The following XKR6 variants were observed in gnomAD, a reference collection of about 807,000 sequenced individuals.
XKR6 encodes XK related 6, also known as XK-related protein 6.
In XKR6, 22 loss-of-function variants were observed where a neutral mutation model predicts 56.7. That is an observed-to-expected ratio of 0.39 (90% CI 0.28 to 0.55). XKR6 has a LOEUF of 0.55. XKR6 is among the 20% of genes least tolerant of loss of function. The pLI is 0.66. For missense variants in XKR6, 852 were observed against 889.0 expected (o/e 0.96, Z 0.53); for synonymous variants, 524 against 387.8 (o/e 1.35, Z -4.13).
intron 1 of XKR6, among the ~76,000 whole-genome samples, chr8:11,092,709 AT>A (rs1798116958): frequency 6.6e-6 from 1 of 152,240 alleles, no homozygotes; most frequent in African/African-American, 2.4e-5. Flanking sequence ...CAAGAACCTC[AT>A]TCTGCCGGCT....
At chr8:10,959,923 G>T (rs954311251) in intron 1 of XKR6, among the ~76,000 whole-genome samples, 1 of 152,162 alleles carries the variant, frequency 6.6e-6, no homozygotes, top group African/African-American at 2.4e-5. Flanking sequence ...GAACTACGGT[G>T]AGGCAATGAA....
chr8:11,006,493 T>G (rs150555836), intron 1 of XKR6, among the ~76,000 whole-genome samples: 32 of 152,310 alleles, frequency 2.1e-4, no homozygotes, highest in Admixed American at 3.9e-4. Context: ...AGGATGTATA[T>G]TCTATTGATG....
At chr8:11,198,897 A>G (rs979484648) in intron 1 of XKR6, among the ~76,000 whole-genome samples, 4 of 152,030 alleles carry the variant, frequency 2.6e-5, no homozygotes, top group African/African-American at 9.7e-5. Context: ...TAACAACCAG[A>G]AAACAACCCC....
Position 10,898,985 on chromosome 8 carries a change from C to A in XKR6, c.962-69G>T. The A allele has an allele frequency of 1.3e-6, 2 of 1,515,158 alleles. No homozygotes were observed. The highest frequency in any genetic ancestry group is 1.4e-5 in the African/African-American group (1 of 72,024). 93.9% of individuals were successfully genotyped at this position (1,515,158 alleles called of 1,614,324 possible). ...CAACCGCAGGGCACAGTGAAGCTGC[C>A]GGCTGAGGAGACGCCCACATACACC... On this transcript the variant is annotated intron_variant, in intron 2 of 2. Transcript: ENST00000416569. The surrounding 1 kb of genome is among the most constrained non-coding windows in gnomAD (Gnocchi z 6.6).
intron 1 of XKR6, among the ~76,000 whole-genome samples, chr8:11,014,021 G>T (rs760847124): frequency 6.6e-6 from 1 of 152,220 alleles, no homozygotes; most frequent in African/African-American, 2.4e-5. Context: ...CGGCAGACAG[G>T]CCTAACGGGC....
intron 1 of XKR6, among the ~76,000 whole-genome samples, chr8:11,168,084 A>G (rs1185599600): frequency 6.6e-6 from 1 of 152,180 alleles, no homozygotes; most frequent in Non-Finnish European, 1.5e-5. Context: ...GTGAAAGAGG[A>G]GACTCTGATT....
chr8:11,183,194 G>A (rs112913012), intron 1 of XKR6, among the ~76,000 whole-genome samples: 1 of 152,216 alleles, frequency 6.6e-6, no homozygotes, highest in African/African-American at 2.4e-5. Context: ...ATATCTCCTT[G>A]AGACCCTCCT....
At chr8:10,989,838 G>A (rs1797947929) in intron 1 of XKR6, among the ~76,000 whole-genome samples, 1 of 152,236 alleles carries the variant, frequency 6.6e-6, no homozygotes, top group Non-Finnish European at 1.5e-5. Flanking sequence ...ATGGGAAGTA[G>A]TCTCACAGAT....
At chr8:11,160,632 G>C (rs375267094) in intron 1 of XKR6, among the ~76,000 whole-genome samples, 11 of 152,128 alleles carry the variant, frequency 7.2e-5, no homozygotes, top group African/African-American at 2.7e-4. Flanking sequence ...TTCACAGGCT[G>C]GGCGTGGTGG....
intron 1 of XKR6, among the ~76,000 whole-genome samples, chr8:10,929,388 A>G (rs1207347873): frequency 6.6e-6 from 1 of 152,254 alleles, no homozygotes; most frequent in Non-Finnish European, 1.5e-5. Context: ...CACTGAGGTT[A>G]AAACATTCGC....
chr8:11,082,594 T>A (rs1563124133), intron 1 of XKR6, among the ~76,000 whole-genome samples: 2 of 152,222 alleles, frequency 1.3e-5, no homozygotes, highest in Non-Finnish European at 2.9e-5. Flanking sequence ...TGGCTCCTCC[T>A]CCTCCAAATA....
intron 1 of XKR6, among the ~76,000 whole-genome samples, chr8:10,955,371 A>G (rs767305590): frequency 2.0e-5 from 3 of 151,730 alleles, no homozygotes; most frequent in Non-Finnish European, 4.4e-5. Context: ...TGTACAGACA[A>G]AGTGTCACTA....
intron 1 of XKR6, among the ~76,000 whole-genome samples, chr8:11,181,680 A>G (rs1364500898): frequency 6.6e-6 from 1 of 152,256 alleles, no homozygotes; most frequent in African/African-American, 2.4e-5. Flanking sequence ...ATGCCAAGTC[A>G]AATCTTCAAC....
At chr8:11,158,240 G>C (rs897144543) in intron 1 of XKR6, among the ~76,000 whole-genome samples, 26 of 152,162 alleles carry the variant, frequency 1.7e-4, no homozygotes, top group African/African-American at 6.0e-4. Context: ...GCATCTAACG[G>C]TCTGAGCGAG....
chr8:11,032,180 G>C (rs977573628), intron 1 of XKR6, among the ~76,000 whole-genome samples: 1 of 152,110 alleles, frequency 6.6e-6, no homozygotes, highest in African/African-American at 2.4e-5. Flanking sequence ...TTACAAATTG[G>C]CACCAGACGC....
intron 1 of XKR6, among the ~76,000 whole-genome samples, chr8:11,014,947 C>CA (rs1401372880): frequency 6.6e-6 from 1 of 152,186 alleles, no homozygotes; most frequent in Non-Finnish European, 1.5e-5. Context: ...ATCCAAATTC[C>CA]AAATCATCTT....
At chr8:11,137,585 C>G in intron 1 of XKR6, 2 of 456,234 alleles carry the variant, frequency 4.4e-6, no homozygotes, top group Non-Finnish European at 8.8e-6. Flanking sequence ...GGGAGAAGTT[C>G]TCTTTAGAAC....
chr8:11,157,047 T>C (rs1801556550), intron 1 of XKR6, among the ~76,000 whole-genome samples: 1 of 152,226 alleles, frequency 6.6e-6, no homozygotes, highest in African/African-American at 2.4e-5. Context: ...GAGAGGGCAC[T>C]TCACCTCTGG....
intron 1 of XKR6, among the ~76,000 whole-genome samples, chr8:11,015,189 G>C (rs1798590382): frequency 8.0e-6 from 1 of 124,918 alleles, no homozygotes; most frequent in African/African-American, 4.1e-5. Flanking sequence ...AATGCTGTGA[G>C]CTGCACTTTT....
Sources: gnomAD v4.1 joint callset for allele counts (sites outside exome capture counted in the v4.1 genomes callset) on GRCh38, gnomAD v4.1.1 for gene constraint, Gnocchi (gnomAD v3.1) non-coding constraint, MANE v1.5 for transcripts, NCBI Gene and HGNC (gene_info 2026-07-23, HGNC 2026-07-21) for gene names.